Variants in DLG2 observed in about 807,000 individuals in gnomAD.
The protein encoded by DLG2 is disks large homolog 2.
In DLG2, 45 loss-of-function variants were observed where a neutral mutation model predicts 132.5. That is an observed-to-expected ratio of 0.34 (90% CI 0.27 to 0.44). The LOEUF (loss-of-function observed/expected upper bound fraction) is 0.44. Ranked by LOEUF, DLG2 falls within the 20% of genes least tolerant of loss-of-function variation. The pLI, the probability that DLG2 is intolerant of heterozygous loss-of-function variation, is 1.00. For synonymous variants in DLG2, 424 were observed against 419.6 expected (o/e 1.01, Z -0.13); for missense variants, 1,045 against 1,196.9 (o/e 0.87, Z 1.87).
At chr11:84,299,906 C>T (rs2098133523) in intron 7 of DLG2, among the ~76,000 whole-genome samples, 1 of 152,032 alleles carries the variant, frequency 6.6e-6, no homozygotes, top group Non-Finnish European at 1.5e-5. Flanking sequence ...CAGAAGGTGC[C>T]CAGCTTTGAT....
chr11:85,627,964 A>AC (rs905144551), upstream of DLG2: 6 of 152,890 alleles, frequency 3.9e-5, no homozygotes, highest in African/African-American at 1.4e-4. Context: ...AGTGCCCCCC[A>AC]CCCCGAGACA....
chr11:83,601,860 G>A (rs1408412917), intron 19 of DLG2, among the ~76,000 whole-genome samples: 1 of 152,044 alleles, frequency 6.6e-6, no homozygotes, highest in Non-Finnish European at 1.5e-5. Flanking sequence ...AACTTGCTGT[G>A]ATCACAGATC....
At chr11:84,241,922 A>G (rs1356351576) in intron 8 of DLG2, among the ~76,000 whole-genome samples, 2 of 152,208 alleles carry the variant, frequency 1.3e-5, no homozygotes, top group African/African-American at 2.4e-5. Context: ...CGATTCTAAC[A>G]ACCTGACCTG....
intron 8 of DLG2, among the ~76,000 whole-genome samples, chr11:84,240,085 C>G (rs1254131269): frequency 1.3e-5 from 2 of 152,206 alleles, no homozygotes; most frequent in African/African-American, 4.8e-5. Context: ...AAAAATCATG[C>G]TTACAACTTT....
At chr11:84,854,848 G>A (rs2082579491) in intron 6 of DLG2, among the ~76,000 whole-genome samples, 1 of 151,942 alleles carries the variant, frequency 6.6e-6, no homozygotes, top group South Asian at 2.1e-4. Flanking sequence ...GCCACTTACT[G>A]TGACACTCAT....
chr11:85,285,281 T>G lies in DLG2; in HGVS notation c.125A>C (p.Gln42Pro). ...QKIEEANQVLQKWEKTSLLAP... is the reference protein window; with the variant it reads ...QKIEEANQVLPKWEKTSLLAP... ...AAGAAGGGATGTCTTCTCCCATTTC[T>G]GTAAAACTTGATTGGCTTCTTCTAT... Residue 42 changes from glutamine (Q) to proline (P), a missense_variant, in exon 4 of 28, where the codon CAG (glutamine) becomes CCG (proline). Gln to Pro is a moderately conservative substitution (Grantham distance 76). Coordinates refer to ENST00000376104, the MANE Select transcript of DLG2 (RefSeq NM_001142699.3). The G allele has an allele frequency of 6.2e-7, 1 of 1,612,166 alleles. No homozygotes were observed. The highest frequency in any genetic ancestry group is 8.5e-7 in the Non-Finnish European group (1 of 1,178,714).
intron 6 of DLG2, among the ~76,000 whole-genome samples, chr11:85,067,861 T>C (rs1194798181): frequency 6.6e-6 from 1 of 152,054 alleles, no homozygotes; most frequent in Non-Finnish European, 1.5e-5. Flanking sequence ...AAGAGAATTT[T>C]GGACCAATAT....
At chr11:84,707,344 TAGG>T in intron 6 of DLG2, among the ~76,000 whole-genome samples, 1 of 151,958 alleles carries the variant, frequency 6.6e-6, no homozygotes. Flanking sequence ...ATCTCCTCTG[TAGG>T]AGAAGTAGCA....
chr11:84,834,040 T>C (rs2153999106), intron 6 of DLG2, among the ~76,000 whole-genome samples: 1 of 151,796 alleles, frequency 6.6e-6, no homozygotes, highest in Non-Finnish European at 1.5e-5. Context: ...CATAAAATAA[T>C]AAATACACTT....
intron 7 of DLG2, among the ~76,000 whole-genome samples, chr11:84,289,765 G>C (rs1489133270): frequency 1.3e-5 from 2 of 152,146 alleles, no homozygotes; most frequent in Non-Finnish European, 2.9e-5. Flanking sequence ...AGTTCTGAAA[G>C]ACTAAATGCA....
intron 7 of DLG2, among the ~76,000 whole-genome samples, chr11:84,307,160 T>C (rs1467964967): frequency 6.6e-6 from 1 of 152,352 alleles, no homozygotes; most frequent in East Asian, 1.9e-4. Flanking sequence ...TGGAACACTA[T>C]GCAGCCATAA....
intron 7 of DLG2, among the ~76,000 whole-genome samples, chr11:84,352,002 C>T (rs753842751): frequency 1.3e-5 from 2 of 152,140 alleles, no homozygotes; most frequent in Non-Finnish European, 2.9e-5. Flanking sequence ...AAATAGTATC[C>T]ATCTTTGTGC....
chr11:85,230,147 A>G (rs2075218082), intron 4 of DLG2, among the ~76,000 whole-genome samples: 1 of 152,018 alleles, frequency 6.6e-6, no homozygotes, highest in African/African-American at 2.4e-5. Context: ...TGCATTGACA[A>G]AGACTGTTAA....
chr11:83,620,203 G>A (rs2061412332), intron 19 of DLG2, among the ~76,000 whole-genome samples: 1 of 152,098 alleles, frequency 6.6e-6, no homozygotes, highest in Non-Finnish European at 1.5e-5. Flanking sequence ...TTGAAACAAT[G>A]TAGAATATAC....
chr11:83,738,479 G>A (rs560258449), intron 18 of DLG2, among the ~76,000 whole-genome samples: 8 of 152,152 alleles, frequency 5.3e-5, no homozygotes, highest in Non-Finnish European at 7.4e-5. Flanking sequence ...TCAGCTGAGC[G>A]GGCTGTGATT....
At chr11:84,412,219 A>T (rs959376082) in intron 7 of DLG2, among the ~76,000 whole-genome samples, 16 of 150,554 alleles carry the variant, frequency 1.1e-4, no homozygotes, top group Non-Finnish European at 2.2e-4. Flanking sequence ...GTTCATAAAA[A>T]TGTTCATAAA....
In DLG2 at chr11:83,471,681, C is replaced by G. The variant is rs750168909; in HGVS notation, c.2391G>C (p.Arg797=). The change falls in exon 24 of 28, where the codon CGG becomes CGC. Residue 797 remains arginine (R), a synonymous_variant. Coordinates refer to ENST00000376104, the MANE Select transcript of DLG2 (RefSeq NM_001142699.3). ...PVIILGPMKD[R]INDDLISEFP... ...ATTCAGATATCAAGTCGTCATTGAT[C>G]CGATCCTTCATGGGCCCCAGGATAA... 1.1e-5 allele frequency: 17 copies of G among 1,613,084 alleles called. No individual in the cohort carries two copies. The South Asian group carries it at 1.8e-4, about 17-fold the overall frequency.
At chr11:83,849,854 T>C (rs1479300926) in intron 16 of DLG2, among the ~76,000 whole-genome samples, 1 of 151,916 alleles carries the variant, frequency 6.6e-6, no homozygotes. Context: ...GTGCTTACTG[T>C]AAATGAACTC....
At chr11:85,227,462 A>T (rs1236601043) in intron 4 of DLG2, among the ~76,000 whole-genome samples, 2 of 152,140 alleles carry the variant, frequency 1.3e-5, no homozygotes, top group Admixed American at 1.3e-4. Flanking sequence ...ATAGGAAAAG[A>T]TCTGGATGGT....
Sources: gnomAD v4.1 joint callset for allele counts (sites outside exome capture counted in the v4.1 genomes callset) on GRCh38, gnomAD v4.1.1 for gene constraint, MANE v1.5 for transcripts, NCBI Gene and HGNC (gene_info 2026-07-23, HGNC 2026-07-21) for gene names.